MYO18B: variants seen among roughly 807,000 people sequenced by gnomAD.
The protein encoded by MYO18B is unconventional myosin-XVIIIb.
In MYO18B, 204 loss-of-function variants were observed where a neutral mutation model predicts 273.0. The observed-to-expected ratio is 0.75, with a 90% CI of 0.67 to 0.84. The LOEUF (loss-of-function observed/expected upper bound fraction) is 0.84. Ranked by LOEUF, MYO18B falls within the 40% of genes least tolerant of loss-of-function variation. The pLI is 0.00. For synonymous variants in MYO18B, 1,330 were observed against 1,305.7 expected (o/e 1.02, Z -0.40); for missense variants, 3,212 against 3,287.6 (o/e 0.98, Z 0.56).
chr22:25,896,913 C>T (rs1214470804), intron 28 of MYO18B: 3 of 152,184 alleles, frequency 2.0e-5, no homozygotes, highest in Non-Finnish European at 2.9e-5. Flanking sequence ...CAAGTCGGTA[C>T]CAGCTGACTC....
intron 39 of MYO18B, among the ~76,000 whole-genome samples, chr22:25,968,653 A>G (rs713734): frequency 0.033 from 5,084 of 152,156 alleles, 127 homozygotes; most frequent in East Asian, 0.096. Context: ...TTCCCTTTCT[A>G]TCTTCTCAAA....
chr22:25,977,674 C>T (rs2093106289), intron 39 of MYO18B, among the ~76,000 whole-genome samples: 1 of 152,104 alleles, frequency 6.6e-6, no homozygotes. Context: ...GAGAAAGCAT[C>T]AAAACAGAGG....
At position 25,883,390 on chromosome 22, in the gene MYO18B, A is replaced by G. The variant is rs930787335; in HGVS notation, c.4314+5342A>G. 6.6e-6 allele frequency: 1 copy of G among 152,198 alleles called. No homozygotes were observed. The highest frequency in any genetic ancestry group is 6.5e-5 in the Admixed American group (1 of 15,278). 9.4% of individuals were successfully genotyped at this position (152,198 alleles called of 1,614,324 possible). ...TTCTCACACTTGCAAATGTGTCAGA[A>G]TGCCCTGTAAGACTTCTCCGAATAC... is the stretch of plus-strand genomic sequence containing the variant. On this transcript the variant is annotated intron_variant, in intron 25 of 43. Coordinates refer to ENST00000335473, the MANE Select transcript of MYO18B (RefSeq NM_032608.7). The surrounding 1 kb of genome is among the most constrained non-coding windows in gnomAD (Gnocchi z 7.6).
chr22:25,946,126 G>T lies in MYO18B; in HGVS notation c.5518-11G>T, dbSNP rs547096797. Reference sequence around the variant, plus strand: ...TCTTTTCTTCTCTTCTCCACCTCTTGCCTGGTCCAGCTGGAGCAGAGTGAA... The same window carrying T: ...TCTTTTCTTCTCTTCTCCACCTCTTTCCTGGTCCAGCTGGAGCAGAGTGAA... On this transcript the variant is annotated splice_polypyrimidine_tract_variant and intron_variant, in intron 34 of 43. Coordinates refer to ENST00000335473, the MANE Select transcript of MYO18B (RefSeq NM_032608.7). 14 of 1,474,660 alleles carry T rather than the reference G, an allele frequency of 9.5e-6. No homozygotes were observed. In the East Asian group the frequency reaches 2.9e-4, roughly 31 times the overall value. 91.3% of individuals were successfully genotyped at this position (1,474,660 alleles called of 1,614,324 possible).
At chr22:25,993,327 C>T (rs1450418999) in intron 40 of MYO18B, among the ~76,000 whole-genome samples, 1 of 152,124 alleles carries the variant, frequency 6.6e-6, no homozygotes, top group Non-Finnish European at 1.5e-5. Flanking sequence ...ACATCCCTGC[C>T]CCCGTTCTAG....
At chr22:25,743,486 G>GA (rs1454629840) in intron 1 of MYO18B, among the ~76,000 whole-genome samples, 1 of 151,884 alleles carries the variant, frequency 6.6e-6, no homozygotes, top group East Asian at 1.9e-4. Flanking sequence ...AAGAGGAGGA[G>GA]GAGAAGGAGA....
chr22:25,785,232 G>A (rs940786618), intron 10 of MYO18B, among the ~76,000 whole-genome samples, 196 bp from the exon 11 acceptor site: 1 of 152,224 alleles, frequency 6.6e-6, no homozygotes, highest in African/African-American at 2.4e-5. Flanking sequence ...GAAGGGCCAA[G>A]TGAGGGCTGT....
intron 12 of MYO18B, among the ~76,000 whole-genome samples, chr22:25,803,967 A>C (rs1374426916): frequency 1.5e-5 from 2 of 136,882 alleles, no homozygotes; most frequent in South Asian, 5.2e-4. Context: ...TGACCCAGTG[A>C]ACACACACAC....
chr22:26,027,080 C>A lies in MYO18B; in HGVS notation c.7106C>A (p.Thr2369Asn). The A allele has an allele frequency of 6.2e-7, 1 of 1,614,016 alleles. No individual in the cohort carries two copies. Among genetic ancestry groups the A allele is most frequent in the Non-Finnish European group, 8.5e-7 (1 of 1,179,886 alleles). ...PSMGRKLSSP[T>N]TPRDMLLSPT... ...ATGGGGAGAAAACTGAGCTCTCCGA[C>A]CACACCCAGGGACATGCTGTTGTCG... is the stretch of plus-strand genomic sequence containing the variant. The change falls in exon 43 of 44, where the codon ACC (threonine) becomes AAC (asparagine). Residue 2369 changes from threonine (T) to asparagine (N), a missense_variant. Transcript: ENST00000335473. The surrounding 1 kb of genome is among the most constrained non-coding windows in gnomAD (Gnocchi z 4.1).
intron 31 of MYO18B, among the ~76,000 whole-genome samples, chr22:25,904,358 T>G (rs540725434): frequency 6.6e-6 from 1 of 152,116 alleles, no homozygotes; most frequent in Non-Finnish European, 1.5e-5. Context: ...AGCCCTAAGC[T>G]CTCCCCACAC....
At chr22:26,010,011 C>CA (rs1934760392) in intron 42 of MYO18B, among the ~76,000 whole-genome samples, 2 of 152,312 alleles carry the variant, frequency 1.3e-5, no homozygotes, top group South Asian at 4.1e-4. Flanking sequence ...CCTGCCCCAC[C>CA]AGCCCTGTGT....
intron 36 of MYO18B, among the ~76,000 whole-genome samples, chr22:25,949,820 C>T (rs1296604153): frequency 6.6e-6 from 1 of 152,104 alleles, no homozygotes; most frequent in Non-Finnish European, 1.5e-5. Context: ...TGTTTCTACC[C>T]TCTAGAATTC....
chr22:25,927,730 C>T (rs919133778), intron 34 of MYO18B, among the ~76,000 whole-genome samples: 17 of 152,144 alleles, frequency 1.1e-4, no homozygotes, highest in South Asian at 4.1e-4. Context: ...TGGGGCATCA[C>T]GGAACCTACC....
intron 34 of MYO18B, among the ~76,000 whole-genome samples, chr22:25,943,569 G>T: frequency 6.6e-6 from 1 of 152,128 alleles, no homozygotes; most frequent in Admixed American, 6.5e-5. Context: ...CTGTGCAGCT[G>T]CCCTGCCGCA....
intron 34 of MYO18B, among the ~76,000 whole-genome samples, chr22:25,934,868 TC>T (rs772322769): frequency 2.0e-5 from 3 of 152,174 alleles, no homozygotes; most frequent in Non-Finnish European, 2.9e-5. Context: ...GCTTAGTGAT[TC>T]GGGGGCTCAA....
intron 12 of MYO18B, among the ~76,000 whole-genome samples, chr22:25,816,501 A>AC (rs2089015316): frequency 2.9e-5 from 1 of 34,848 alleles, no homozygotes; most frequent in Non-Finnish European, 6.4e-5. Flanking sequence ...CCAGCCCCCC[A>AC]CCCCCAGACA....
chr22:26,028,972 T>C (rs1282621203), intron 43 of MYO18B, among the ~76,000 whole-genome samples: 1 of 152,044 alleles, frequency 6.6e-6, no homozygotes, highest in Non-Finnish European at 1.5e-5. Flanking sequence ...TTAGTACTCC[T>C]GATATCCCCA....
intron 20 of MYO18B, among the ~76,000 whole-genome samples, chr22:25,850,310 G>A (rs1406282844): frequency 1.3e-5 from 2 of 152,094 alleles, no homozygotes; most frequent in African/African-American, 4.8e-5. Context: ...CTCGAGACCT[G>A]GAATTTGCGC....
chr22:26,023,436 G>T (rs1935976070), intron 42 of MYO18B, among the ~76,000 whole-genome samples: 1 of 151,808 alleles, frequency 6.6e-6, no homozygotes, highest in South Asian at 2.1e-4. Flanking sequence ...CTACTTTTAT[G>T]CCTTTTTTCC....
Sources: gnomAD v4.1 joint callset for allele counts (sites outside exome capture counted in the v4.1 genomes callset) on GRCh38, gnomAD v4.1.1 for gene constraint, Gnocchi (gnomAD v3.1) non-coding constraint, MANE v1.5 for transcripts, NCBI Gene and HGNC (gene_info 2026-07-23, HGNC 2026-07-21) for gene names.